The following OVCH1 variants were observed in gnomAD, a reference collection of about 807,000 sequenced individuals.
OVCH1 encodes ovochymase 1, also known as ovochymase-1.
OVCH1 carries 139 observed loss-of-function variants against 138.4 expected under a neutral mutation model. The observed-to-expected ratio is 1.00, with a 90% CI of 0.87 to 1.16. The LOEUF (loss-of-function observed/expected upper bound fraction) is 1.16, where lower values mean the gene tolerates loss of function less well. Among genes scored for constraint, OVCH1 ranks in the 50% most tolerant of loss-of-function variants. OVCH1 has a pLI of 0.00. For missense variants in OVCH1, 1,367 were observed against 1,357.9 expected (o/e 1.01, Z -0.11); for synonymous variants, 453 against 467.8 (o/e 0.97, Z 0.41).
At chr12:29,405,772 C>T in the OVCH1 span, among the ~76,000 whole-genome samples, 104 of 152,324 alleles carry the variant, frequency 6.8e-4, no homozygotes, top group African/African-American at 2.5e-3. Flanking sequence ...CAGTACAATT[C>T]ATTTTTAAAT....
chr12:29,424,787 C>G (rs1207144701), downstream of OVCH1, among the ~76,000 whole-genome samples: 1 of 152,170 alleles, frequency 6.6e-6, no homozygotes, highest in Non-Finnish European at 1.5e-5. Context: ...TCAGTATTCT[C>G]ATCTGCAAAA....
At chr12:29,472,018 G>T (rs376188358) in intron 15 of OVCH1, 36 bp from the exon 16 acceptor site, 2 of 1,561,822 alleles carry the variant, frequency 1.3e-6, no homozygotes, top group Non-Finnish European at 1.7e-6. Flanking sequence ...CCATAAGGTT[G>T]CAGTAATTTA....
exon 3 of OVCH1, chr12:29,496,244 C>G: frequency 1.2e-6 from 2 of 1,608,856 alleles, no homozygotes; most frequent in Non-Finnish European, 1.7e-6. Context: ...CAAGCTTCCT[C>G]CACAGAAGTG....
chr12:29,451,777 C>A (rs1202043773), intron 21 of OVCH1, among the ~76,000 whole-genome samples: 3 of 152,140 alleles, frequency 2.0e-5, no homozygotes, highest in African/African-American at 7.2e-5. Flanking sequence ...ATTTAAATCA[C>A]AATTATTTTG....
intron 9 of OVCH1, among the ~76,000 whole-genome samples, chr12:29,478,169 T>C (rs779241787): frequency 6.6e-6 from 1 of 152,200 alleles, no homozygotes; most frequent in Non-Finnish European, 1.5e-5. Context: ...ATATTGGTTA[T>C]GTTTATGTAG....
intron 19 of OVCH1, among the ~76,000 whole-genome samples, chr12:29,457,659 T>G (rs1340063576): frequency 6.6e-6 from 1 of 152,022 alleles, no homozygotes; most frequent in South Asian, 2.1e-4. Flanking sequence ...TGCCTTGGCC[T>G]CCCAAAGTGC....
At chr12:29,477,557 T>C in exon 10 of OVCH1, 1 of 1,613,880 alleles carries the variant, frequency 6.2e-7, no homozygotes, top group Non-Finnish European at 8.5e-7. Flanking sequence ...TTTTCCATCG[T>C]CTTCCATGAG....
chr12:29,473,037 A>T, exon 15 of OVCH1: 1 of 1,610,000 alleles, frequency 6.2e-7, no homozygotes, highest in Non-Finnish European at 8.5e-7. Context: ...ACCATGCAGA[A>T]TAGCTTTTAC....
chr12:29,446,533 A>G (rs895773309), intron 22 of OVCH1, among the ~76,000 whole-genome samples: 1 of 152,268 alleles, frequency 6.6e-6, no homozygotes, highest in Non-Finnish European at 1.5e-5. Context: ...AAGGGACAGA[A>G]CAATTCCACA....
chr12:29,472,263 T>C (rs1277529839), intron 15 of OVCH1, among the ~76,000 whole-genome samples: 1 of 152,186 alleles, frequency 6.6e-6, no homozygotes, highest in Admixed American at 6.6e-5. Flanking sequence ...TTCCAGACAT[T>C]GGTGATATAT....
chr12:29,467,055 T>C (rs1018721044), intron 16 of OVCH1, among the ~76,000 whole-genome samples: 4 of 152,166 alleles, frequency 2.6e-5, no homozygotes, highest in Non-Finnish European at 5.9e-5. Flanking sequence ...ATGCCTTTAT[T>C]AACGGAGCTA....
intron 8 of OVCH1, among the ~76,000 whole-genome samples, chr12:29,480,199 A>C (rs772535786): frequency 6.6e-6 from 1 of 152,086 alleles, no homozygotes; most frequent in South Asian, 2.1e-4. Context: ...AAAATATTAT[A>C]AAGTTCACTT....
At chr12:29,404,654 A>G in the OVCH1 span, among the ~76,000 whole-genome samples, 46,863 of 151,890 alleles carry the variant, frequency 0.31, 8,499 homozygotes, top group Middle Eastern at 0.52. Context: ...CAGTGACATG[A>G]AAACTCCTTT....
intron 25 of OVCH1, among the ~76,000 whole-genome samples, chr12:29,441,188 C>G (rs1450778874): frequency 6.6e-6 from 1 of 152,206 alleles, no homozygotes; most frequent in African/African-American, 2.4e-5. Context: ...AAGAACAAAG[C>G]TGGAGGCATC....
intron 4 of OVCH1, among the ~76,000 whole-genome samples, chr12:29,495,022 A>G (rs1396236483): frequency 6.6e-6 from 1 of 152,234 alleles, no homozygotes; most frequent in Non-Finnish European, 1.5e-5. Flanking sequence ...CCCTGAAAAT[A>G]TGTACTTCTA....
At position 29,495,502 on chromosome 12, in the gene OVCH1, G is replaced by T. The variant is rs761088447; in HGVS notation, c.282-45C>A. On this transcript the variant is annotated intron_variant, in intron 3 of 27. Coordinates refer to ENST00000318184, the Ensembl canonical transcript of OVCH1. ...TTTCATAAGTAGTTGTTTCCCCTAC[G>T]CAAGTCTTCTTGGTTTGATGTAATT... 3.9e-6 allele frequency: 6 copies of T among 1,535,122 alleles called. No homozygotes were observed. The Admixed American group carries it at 5.6e-5, about 14-fold the overall frequency.
At position 29,473,026 on chromosome 12, in the gene OVCH1, C is replaced by G. The variant is rs1159894589; in HGVS notation, c.1675+3G>C. On this transcript the variant is annotated splice_donor_region_variant and intron_variant, in intron 15 of 27. Coordinates refer to ENST00000318184, the Ensembl canonical transcript of OVCH1. ...AGATAGTAATAACATGTCACCAACT[C>G]ACCATGCAGAATAGCTTTTACGGTA... 1.9e-6 allele frequency: 3 copies of G among 1,605,674 alleles called. No individual in the cohort carries two copies. The Admixed American group carries it at 5.0e-5, about 27-fold the overall frequency.
chr12:29,490,730 G>A (rs1420616332), intron 5 of OVCH1, among the ~76,000 whole-genome samples: 1 of 151,916 alleles, frequency 6.6e-6, no homozygotes, highest in Non-Finnish European at 1.5e-5. Flanking sequence ...CAAATTCCAG[G>A]TAATCACCCT....
chr12:29,485,707 C>T (rs1003491385), intron 8 of OVCH1, among the ~76,000 whole-genome samples: 6 of 151,470 alleles, frequency 4.0e-5, no homozygotes, highest in East Asian at 2.0e-4. Context: ...ACCCGGAAGG[C>T]GGAGGTTGCA....
Sources: allele counts gnomAD v4.1 joint callset (sites outside exome capture counted in the v4.1 genomes callset), GRCh38; gene constraint gnomAD v4.1.1; transcripts MANE v1.5; gene names NCBI Gene and HGNC (gene_info 2026-07-23, HGNC 2026-07-21).